Variants in PDE4B observed in about 807,000 individuals in gnomAD.
PDE4B encodes the protein phosphodiesterase 4B, also known as 3',5'-cyclic-AMP phosphodiesterase 4B.
Under a neutral mutation model 82.2 loss-of-function variants are expected in PDE4B, and 20 were observed. The observed-to-expected ratio is 0.24, with a 90% CI of 0.17 to 0.35. The LOEUF (loss-of-function observed/expected upper bound fraction) is 0.35, where lower values mean the gene tolerates loss of function less well. Ranked by LOEUF, PDE4B falls within the 10% of genes least tolerant of loss-of-function variation. The pLI, the probability that PDE4B is intolerant of heterozygous loss-of-function variation, is 1.00. For synonymous variants in PDE4B, 320 were observed against 318.9 expected (o/e 1.00, Z -0.04); for missense variants, 655 against 907.2 (o/e 0.72, Z 3.57).
intron 1 of PDE4B, among the ~76,000 whole-genome samples, chr1:65,851,119 A>G (rs1357649440): frequency 6.6e-6 from 1 of 152,166 alleles, no homozygotes; most frequent in Non-Finnish European, 1.5e-5. Flanking sequence ...TCAAAAATCA[A>G]TAGGCCGAAT....
chr1:66,331,864 T>C, intron 7 of PDE4B: 1 of 985,706 alleles, frequency 1.0e-6, no homozygotes, highest in Non-Finnish European at 1.2e-6. Context: ...TCCCTCTAAT[T>C]AAAGGAAAGA....
chr1:65,986,530 A>G (rs921230778), intron 3 of PDE4B, among the ~76,000 whole-genome samples: 14 of 152,250 alleles, frequency 9.2e-5, no homozygotes, highest in Admixed American at 5.9e-4. Flanking sequence ...CTTAATGCCA[A>G]TATAGCTCTT....
chr1:65,810,186 A>G (rs1159647728), intron 1 of PDE4B, among the ~76,000 whole-genome samples: 1 of 152,210 alleles, frequency 6.6e-6, no homozygotes. Context: ...GGATATTCCA[A>G]AAGTCCTTAG....
chr1:66,294,200 C>T (rs796367267), intron 7 of PDE4B, among the ~76,000 whole-genome samples: 2 of 151,848 alleles, frequency 1.3e-5, no homozygotes, highest in African/African-American at 2.4e-5. Context: ...AGCAATACTC[C>T]GTCTCAATTA....
At chr1:66,184,987 C>T (rs1195617025) in intron 3 of PDE4B, among the ~76,000 whole-genome samples, 2 of 152,094 alleles carry the variant, frequency 1.3e-5, no homozygotes, top group African/African-American at 4.8e-5. Context: ...TATCCCTCCC[C>T]CCTCCTCCCA....
At chr1:65,890,942 G>T (rs115273594) in intron 1 of PDE4B, among the ~76,000 whole-genome samples, 2,798 of 152,096 alleles carry the variant, frequency 0.018, 76 homozygotes, top group Non-Finnish European at 0.02. Context: ...CTGGATTTAT[G>T]TTCCAACCTT....
rs182958623 is a variant in PDE4B, at chr1:66,102,365, T to C, written c.282-145095T>C. 8.5e-5 allele frequency among the ~76,000 whole-genome samples: 13 copies of C among 152,204 alleles called. No homozygotes were observed. In the East Asian group the frequency reaches 2.3e-3, roughly 27 times the overall value. On this transcript the variant is annotated intron_variant, in intron 3 of 16. Transcript: ENST00000341517. ...TTTATTTTGAAATGTGATGAAAATG[T>C]AACTAGTACCAGACAGACTGAATTC...
At chr1:66,204,463 C>T (rs7541628) in intron 3 of PDE4B, among the ~76,000 whole-genome samples, 3 of 152,224 alleles carry the variant, frequency 2.0e-5, no homozygotes, top group South Asian at 4.1e-4. Context: ...CTACAGAGGC[C>T]GGCAGGCCTC....
chr1:65,806,088 C>T (rs775711577), intron 1 of PDE4B, among the ~76,000 whole-genome samples: 3 of 152,122 alleles, frequency 2.0e-5, no homozygotes, highest in Non-Finnish European at 2.9e-5. Flanking sequence ...CTCAGATCAA[C>T]ATGCACCTTT....
intron 3 of PDE4B, among the ~76,000 whole-genome samples, chr1:66,153,610 A>G (rs1366553950): frequency 6.6e-6 from 1 of 152,176 alleles, no homozygotes; most frequent in African/African-American, 2.4e-5. Context: ...TCTCAGGAAT[A>G]TGAAGATTAA....
intron 7 of PDE4B, among the ~76,000 whole-genome samples, chr1:66,290,413 T>C (rs1656983854): frequency 6.6e-6 from 1 of 152,172 alleles, no homozygotes. Context: ...AGTAGGTTTG[T>C]ACGTACACTG....
intron 7 of PDE4B, among the ~76,000 whole-genome samples, chr1:66,278,880 C>T (rs765288440): frequency 5.3e-5 from 8 of 151,840 alleles, no homozygotes; most frequent in Admixed American, 1.3e-4. Flanking sequence ...TGCATGCATA[C>T]GTGCATGTGT....
intron 7 of PDE4B, among the ~76,000 whole-genome samples, chr1:66,283,845 A>G (rs1656468751): frequency 1.3e-5 from 2 of 152,112 alleles, no homozygotes; most frequent in Admixed American, 1.3e-4. Flanking sequence ...CTTACTTTTA[A>G]TGGGTTTTCT....
At chr1:65,991,511 C>T (rs1218906021) in intron 3 of PDE4B, among the ~76,000 whole-genome samples, 1 of 152,108 alleles carries the variant, frequency 6.6e-6, no homozygotes, top group Non-Finnish European at 1.5e-5. Context: ...CTGATGAGCC[C>T]TAGTTCTGCT....
At chr1:66,280,076 C>T (rs145348176) in intron 7 of PDE4B, among the ~76,000 whole-genome samples, 1 of 152,334 alleles carries the variant, frequency 6.6e-6, no homozygotes, top group East Asian at 1.9e-4. Flanking sequence ...GGAATTATGC[C>T]TAGCTCTTCT....
intron 8 of PDE4B, among the ~76,000 whole-genome samples, chr1:66,342,911 G>A (rs1450601974): frequency 2.0e-5 from 3 of 152,038 alleles, no homozygotes; most frequent in Non-Finnish European, 4.4e-5. Context: ...CGGACGCAGT[G>A]GTGCATGCCT....
intron 1 of PDE4B, among the ~76,000 whole-genome samples, chr1:65,821,474 G>A (rs535180383): frequency 1.6e-4 from 24 of 152,292 alleles, no homozygotes; most frequent in African/African-American, 5.5e-4. Flanking sequence ...GCTAGAAGCT[G>A]TCTCCTAAAG....
rs540965526 is a variant in PDE4B, at chr1:66,139,063, C to G, written c.282-108397C>G. Among the ~76,000 whole-genome samples, 13 of 152,328 alleles carry G rather than the reference C, an allele frequency of 8.5e-5. No individual in the cohort carries two copies. The South Asian group carries it at 2.1e-3, about 24-fold the overall frequency. Reference sequence around the variant, plus strand: ...GACCCAAAAGGTCTAATTATAACCTCTGTATTTGTTTTCTATTGTTGATGT... The same window carrying G: ...GACCCAAAAGGTCTAATTATAACCTGTGTATTTGTTTTCTATTGTTGATGT... On this transcript the variant is annotated intron_variant, in intron 3 of 16. Transcript: ENST00000341517.
At chr1:66,002,892 C>T (rs572199836) in intron 3 of PDE4B, among the ~76,000 whole-genome samples, 1 of 152,150 alleles carries the variant, frequency 6.6e-6, no homozygotes, top group Non-Finnish European at 1.5e-5. Flanking sequence ...AAAATATCTA[C>T]CTAGACTGTG....
Sources: gnomAD v4.1 joint callset for allele counts (sites outside exome capture counted in the v4.1 genomes callset) on GRCh38, gnomAD v4.1.1 for gene constraint, MANE v1.5 for transcripts, NCBI Gene and HGNC (gene_info 2026-07-23, HGNC 2026-07-21) for gene names.